Variants in SLC4A10 observed in about 807,000 individuals in gnomAD.
SLC4A10 encodes the protein solute carrier family 4 member 10, also known as sodium-driven chloride bicarbonate exchanger.
Under a neutral mutation model 137.7 loss-of-function variants are expected in SLC4A10, and 42 were observed. The observed-to-expected ratio is 0.30, with a 90% CI of 0.24 to 0.39. The LOEUF is 0.39. Ranked by LOEUF, SLC4A10 falls within the 10% of genes least tolerant of loss-of-function variation. The probability of loss-of-function intolerance (pLI) is 1.00; values close to 1 mark genes in which losing one functional copy is unlikely to be tolerated. For synonymous variants in SLC4A10, 474 were observed against 464.1 expected (o/e 1.02, Z -0.27); for missense variants, 925 against 1,355.0 (o/e 0.68, Z 4.98).
At chr2:161,700,627 A>T (rs2043027483) in intron 1 of SLC4A10, among the ~76,000 whole-genome samples, 1 of 150,152 alleles carries the variant, frequency 6.7e-6, no homozygotes, top group Non-Finnish European at 1.5e-5. Flanking sequence ...TTTAACCTTC[A>T]AAATAGCTTT....
intron 21 of SLC4A10, among the ~76,000 whole-genome samples, chr2:161,962,674 AAATG>A (rs1249039169): frequency 6.6e-6 from 1 of 152,202 alleles, no homozygotes; most frequent in East Asian, 1.9e-4. Flanking sequence ...GAATATGAAT[AAATG>A]AATGGTCAGG....
At chr2:161,625,693 C>T (rs1232401060) in intron 1 of SLC4A10, among the ~76,000 whole-genome samples, 3 of 152,034 alleles carry the variant, frequency 2.0e-5, no homozygotes, top group Non-Finnish European at 4.4e-5. Flanking sequence ...CCTTACCTCT[C>T]CTGCCGGGCT....
intron 1 of SLC4A10, among the ~76,000 whole-genome samples, chr2:161,725,439 G>A (rs1215653243): frequency 6.6e-6 from 1 of 152,122 alleles, no homozygotes; most frequent in East Asian, 1.9e-4. Flanking sequence ...AGCTATTACT[G>A]TAATTATATG....
intron 1 of SLC4A10, among the ~76,000 whole-genome samples, chr2:161,657,601 C>T (rs907481156): frequency 6.6e-6 from 1 of 151,632 alleles, no homozygotes; most frequent in East Asian, 1.9e-4. Flanking sequence ...TATTTTTTAT[C>T]AAGAAAATAC....
chr2:161,859,173 T>C (rs1439490606), intron 5 of SLC4A10, among the ~76,000 whole-genome samples: 1 of 152,202 alleles, frequency 6.6e-6, no homozygotes, highest in Non-Finnish European at 1.5e-5. Context: ...TGTCATAACC[T>C]CTAGGGGCTT....
intron 1 of SLC4A10, among the ~76,000 whole-genome samples, chr2:161,723,652 G>A (rs375681372): frequency 1.3e-5 from 2 of 152,070 alleles, no homozygotes; most frequent in Non-Finnish European, 2.9e-5. Flanking sequence ...GATTTAAATC[G>A]ACTGTTGGTG....
At chr2:161,796,909 A>C (rs1412729793) in intron 2 of SLC4A10, among the ~76,000 whole-genome samples, 1 of 152,112 alleles carries the variant, frequency 6.6e-6, no homozygotes, top group Non-Finnish European at 1.5e-5. Flanking sequence ...AAATCTGGAA[A>C]ATTTTAGTTT....
At chr2:161,795,617 T>C (rs1159812341) in intron 2 of SLC4A10, among the ~76,000 whole-genome samples, 1 of 152,122 alleles carries the variant, frequency 6.6e-6, no homozygotes, top group Non-Finnish European at 1.5e-5. Context: ...TGGAAGATTT[T>C]AAGTATACAA....
intron 1 of SLC4A10, among the ~76,000 whole-genome samples, chr2:161,705,300 T>G (rs1176287799): frequency 2.0e-5 from 3 of 151,538 alleles, no homozygotes; most frequent in African/African-American, 7.3e-5. Context: ...ATAACTGACC[T>G]TGGGTATGTC....
At chr2:161,844,422 A>G (rs2059370679) in intron 4 of SLC4A10, among the ~76,000 whole-genome samples, 1 of 152,104 alleles carries the variant, frequency 6.6e-6, no homozygotes, top group Admixed American at 6.6e-5. Context: ...CCTTAAGATG[A>G]CTATAGGTAT....
chr2:161,658,183 A>T (rs928349430), intron 1 of SLC4A10, among the ~76,000 whole-genome samples: 1 of 152,302 alleles, frequency 6.6e-6, no homozygotes, highest in East Asian at 1.9e-4. Context: ...GCTCTATTTT[A>T]TGAGTGCATT....
chr2:161,841,311 C>A (rs1164518591), intron 4 of SLC4A10, among the ~76,000 whole-genome samples: 1 of 152,146 alleles, frequency 6.6e-6, no homozygotes, highest in Non-Finnish European at 1.5e-5. Context: ...CTCCTGACCT[C>A]AAGTCCTCTA....
chr2:161,776,856 GGT>G (rs71009340), intron 2 of SLC4A10, among the ~76,000 whole-genome samples: 11,248 of 142,874 alleles, frequency 0.079, 614 homozygotes, highest in East Asian at 0.25. Flanking sequence ...CTTATTTTCT[GGT>G]GTGTGTGTGT....
intron 10 of SLC4A10, among the ~76,000 whole-genome samples, chr2:161,887,278 A>G (rs1188958484): frequency 6.6e-6 from 1 of 152,158 alleles, no homozygotes; most frequent in African/African-American, 2.4e-5. Context: ...ATATCTTTAT[A>G]GTAGAACGTA....
intron 15 of SLC4A10, among the ~76,000 whole-genome samples, chr2:161,933,232 T>TTTC (rs1410929131): frequency 2.7e-5 from 4 of 147,180 alleles, no homozygotes; most frequent in Admixed American, 6.8e-5. Context: ...TCTTTCTTTC[T>TTTC]TTCTTTCTTT....
chr2:161,876,205 A>T (rs534236608), intron 8 of SLC4A10, among the ~76,000 whole-genome samples: 5 of 152,264 alleles, frequency 3.3e-5, no homozygotes, highest in Admixed American at 2.6e-4. Context: ...TCAAGATCCT[A>T]TTCAGAGGAC....
intron 3 of SLC4A10, among the ~76,000 whole-genome samples, chr2:161,834,440 CA>C (rs1437986994): frequency 6.6e-6 from 1 of 152,140 alleles, no homozygotes; most frequent in African/African-American, 2.4e-5. Flanking sequence ...ATTTCAGGTG[CA>C]GGAGTAAAAT....
intron 1 of SLC4A10, among the ~76,000 whole-genome samples, chr2:161,742,977 T>A (rs186825760): frequency 3.3e-5 from 5 of 152,350 alleles, no homozygotes; most frequent in Non-Finnish European, 7.3e-5. Flanking sequence ...AGATTTTTTT[T>A]ATTGAGTTGT....
rs2061444141 is a variant in SLC4A10, at chr2:161,876,290, T to C, written c.948+2285T>C. Among the ~76,000 whole-genome samples the C allele has an allele frequency of 3.3e-5, 5 of 152,156 alleles. No individual in the cohort carries two copies. In the South Asian group the frequency reaches 1.0e-3, roughly 31 times the overall value. On this transcript the variant is annotated intron_variant, in intron 8 of 26. Transcript: ENST00000446997. ...CTTGACAGTTTTCTTAGGGATGTAG[T>C]TCAACCTAGATTCTCTAGAGCTGCT...
Sources: gnomAD v4.1 joint callset for allele counts (sites outside exome capture counted in the v4.1 genomes callset) on GRCh38, gnomAD v4.1.1 for gene constraint, MANE v1.5 for transcripts, NCBI Gene and HGNC (gene_info 2026-07-23, HGNC 2026-07-21) for gene names.